LRRC49: variants seen among roughly 807,000 people sequenced by gnomAD.
The protein encoded by LRRC49 is leucine-rich repeat-containing protein 49.
LRRC49 carries 50 observed loss-of-function variants against 83.3 expected under a neutral mutation model. The ratio of observed to expected loss-of-function variants is 0.60; its 90% CI spans 0.48 to 0.76. LRRC49 has a LOEUF of 0.76. LRRC49 is among the 30% of genes least tolerant of loss of function. LRRC49 has a pLI of 0.00. For missense variants in LRRC49, 704 were observed against 809.1 expected (o/e 0.87, Z 1.58); for synonymous variants, 286 against 283.3 (o/e 1.01, Z -0.10).
intron 9 of LRRC49, among the ~76,000 whole-genome samples, chr15:70,972,219 A>G (rs1391958986): frequency 2.6e-5 from 4 of 152,092 alleles, no homozygotes; most frequent in African/African-American, 9.7e-5. Context: ...TCTGTAAAGT[A>G]TTTTATTTCT....
At chr15:70,955,801 A>G (rs1445531504) in intron 8 of LRRC49, among the ~76,000 whole-genome samples, 1 of 152,206 alleles carries the variant, frequency 6.6e-6, no homozygotes, top group Non-Finnish European at 1.5e-5. Context: ...CTCTCAGAAT[A>G]CAAACACCTG....
At chr15:70,866,795 A>T (rs1310161780) in intron 1 of LRRC49, among the ~76,000 whole-genome samples, 4 of 152,064 alleles carry the variant, frequency 2.6e-5, no homozygotes, top group African/African-American at 9.7e-5. Flanking sequence ...ATTGGACAGA[A>T]ATTAACACAA....
intron 11 of LRRC49, among the ~76,000 whole-genome samples, chr15:70,986,283 A>G (rs2037614339): frequency 1.3e-5 from 2 of 152,114 alleles, no homozygotes; most frequent in African/African-American, 2.4e-5. Context: ...ATGTTCTTCT[A>G]TTTGTTTGTA....
chr15:70,984,337 T>C (rs2037517030), intron 11 of LRRC49, 80 bp downstream of exon 11: 2 of 1,215,662 alleles, frequency 1.6e-6, no homozygotes. Flanking sequence ...ATTTTACATA[T>C]AATTATTTTA....
chr15:70,868,490 GA>G, intron 1 of LRRC49, among the ~76,000 whole-genome samples: 1 of 152,252 alleles, frequency 6.6e-6, no homozygotes, highest in Non-Finnish European at 1.5e-5. Flanking sequence ...GGCTTAGGCA[GA>G]ACTCTTCAAT....
At chr15:71,037,870 G>A (rs910676165) in intron 15 of LRRC49, among the ~76,000 whole-genome samples, 5 of 152,026 alleles carry the variant, frequency 3.3e-5, no homozygotes, top group Admixed American at 2.6e-4. Flanking sequence ...AAACCTTTAT[G>A]TTTTATGTGG....
chr15:70,984,224 G>T lies in LRRC49; in HGVS notation c.1136G>T (p.Gly379Val). The change falls in exon 11 of 16, where the codon GGA becomes GTA. Residue 379 changes from glycine to valine, a missense_variant. Physicochemically the swap from Gly to Val is moderately radical, Grantham distance 109 (BLOSUM62 -3). This residue lies in a region of LRRC49 where 168 missense variants were observed against 140.6 expected (regional missense o/e 1.20). Transcript: ENST00000260382. ...DSPQDPCQID[G>V]STLSAFPEET... is the part of the protein sequence containing the mutation. ...CCTCAGGACCCCTGTCAGATTGATGGAAGCACCCTCTCTGCATTCCCAGAG... is the reference window on the plus strand; with the variant it reads ...CCTCAGGACCCCTGTCAGATTGATGTAAGCACCCTCTCTGCATTCCCAGAG... 6.2e-7 allele frequency: 1 copy of T among 1,612,910 alleles called. No individual in the cohort carries two copies. The highest frequency in any genetic ancestry group is 8.5e-7 in the Non-Finnish European group (1 of 1,179,352).
At chr15:70,944,742 A>G (rs1266390498) in intron 8 of LRRC49, among the ~76,000 whole-genome samples, 1 of 152,144 alleles carries the variant, frequency 6.6e-6, no homozygotes, top group Admixed American at 6.5e-5. Flanking sequence ...CTATCTATTC[A>G]GTCACCCTTT....
At chr15:70,905,292 T>C (rs1046488031) in intron 5 of LRRC49, among the ~76,000 whole-genome samples, 1 of 152,224 alleles carries the variant, frequency 6.6e-6, no homozygotes, top group Admixed American at 6.5e-5. Flanking sequence ...ATTCATTCAC[T>C]ACTTTTCATT....
intron 5 of LRRC49, among the ~76,000 whole-genome samples, chr15:70,908,333 A>C (rs1431734507): frequency 6.6e-6 from 1 of 152,178 alleles, no homozygotes; most frequent in African/African-American, 2.4e-5. Context: ...GGAGGAGGAG[A>C]TATTTCTCAA....
At chr15:70,853,740 AG>A in intron 1 of LRRC49, 1 of 528,654 alleles carries the variant, frequency 1.9e-6, no homozygotes, top group Non-Finnish European at 2.8e-6. Flanking sequence ...GTTCTGACTC[AG>A]GGGCTCGGCC....
chr15:71,009,967 G>T lies in LRRC49; in HGVS notation c.1568G>T (p.Ser523Ile). Residue 523 changes from serine to isoleucine, a missense_variant, in exon 13 of 16, where the codon AGT (serine) becomes ATT (isoleucine). Ser to Ile is a moderately radical substitution (Grantham distance 142, BLOSUM62 -2). This residue lies in a region of LRRC49 where 275 missense variants were observed against 338.0 expected (regional missense o/e 0.81). Coordinates refer to ENST00000260382, the MANE Select transcript of LRRC49 (RefSeq NM_017691.5). ...GTACTGTTTAGGCTAAGCCATTTCA[G>T]TATGCAGAAAATAAATGGAACAGAG... is the stretch of plus-strand genomic sequence containing the variant. ...YYVLFRLSHF[S>I]MQKINGTEVT... 1.3e-6 allele frequency: 2 copies of T among 1,597,134 alleles called. No individual in the cohort carries two copies. Among genetic ancestry groups the T allele is most frequent in the Non-Finnish European group, 1.7e-6 (2 of 1,171,272 alleles).
At chr15:70,884,767 G>A (rs2033361217) in intron 2 of LRRC49, among the ~76,000 whole-genome samples, 1 of 151,718 alleles carries the variant, frequency 6.6e-6, no homozygotes, top group Non-Finnish European at 1.5e-5. Context: ...ATTTAATCAG[G>A]GTTAAAAAAA....
intron 9 of LRRC49, among the ~76,000 whole-genome samples, chr15:70,971,512 C>T (rs1330704328): frequency 6.6e-6 from 1 of 152,124 alleles, no homozygotes; most frequent in Non-Finnish European, 1.5e-5. Flanking sequence ...AGTTCAAGTC[C>T]TGAATATCCT....
At chr15:70,892,664 G>C, upstream of LRRC49, 1 of 1,448,378 alleles carries the variant, frequency 6.9e-7, no homozygotes, top group Non-Finnish European at 9.0e-7. Flanking sequence ...TATGAGGCTG[G>C]GAAAATAGAA....
intron 2 of LRRC49, chr15:70,883,021 G>T: frequency 2.0e-6 from 2 of 1,011,690 alleles, no homozygotes; most frequent in Non-Finnish European, 2.9e-6. Context: ...TCACATATTA[G>T]TAAGGCTGAT....
At chr15:70,965,039 G>T (rs2036746511) in intron 9 of LRRC49, among the ~76,000 whole-genome samples, 1 of 152,094 alleles carries the variant, frequency 6.6e-6, no homozygotes, top group South Asian at 2.1e-4. Context: ...TGGAGCTATG[G>T]TTCTTTGTCC....
chr15:70,880,248 C>A (rs74954201), intron 2 of LRRC49, among the ~76,000 whole-genome samples: 11 of 152,186 alleles, frequency 7.2e-5, no homozygotes, highest in East Asian at 1.9e-4. Context: ...CCTCTCCCCC[C>A]ACCTCAATTA....
At chr15:70,855,749 G>A (rs2032640353) in intron 1 of LRRC49, among the ~76,000 whole-genome samples, 1 of 152,194 alleles carries the variant, frequency 6.6e-6, no homozygotes, top group African/African-American at 2.4e-5. Context: ...GGAAGAGAGA[G>A]AGACCTTTGG....
Sources: gnomAD v4.1 joint callset for allele counts (sites outside exome capture counted in the v4.1 genomes callset) on GRCh38, gnomAD v4.1.1 for gene constraint, gnomAD v4.1.1 regional missense constraint, MANE v1.5 for transcripts, NCBI Gene and HGNC (gene_info 2026-07-23, HGNC 2026-07-21) for gene names.